RALGPS1: variants seen among roughly 807,000 people sequenced by gnomAD.
The protein encoded by RALGPS1 is ras-specific guanine nucleotide-releasing factor RalGPS1.
A neutral mutation model predicts 78.8 loss-of-function variants in RALGPS1; 19 were observed. The ratio of observed to expected loss-of-function variants is 0.24; its 90% CI spans 0.17 to 0.35. The LOEUF is 0.35. RALGPS1 is among the 10% of genes least tolerant of loss of function. The pLI is 1.00. For synonymous variants in RALGPS1, 228 were observed against 256.3 expected (o/e 0.89, Z 1.06); for missense variants, 454 against 688.3 (o/e 0.66, Z 3.81).
chr9:127,023,696 T>G (rs2045685724), intron 4 of RALGPS1, among the ~76,000 whole-genome samples: 1 of 152,106 alleles, frequency 6.6e-6, no homozygotes, highest in South Asian at 2.1e-4. Flanking sequence ...TGTGTTTCCC[T>G]AAGGCCCAGC....
intron 5 of RALGPS1, among the ~76,000 whole-genome samples, chr9:127,038,145 G>T (rs1423177327): frequency 6.6e-6 from 1 of 152,164 alleles, no homozygotes; most frequent in Admixed American, 6.5e-5. Context: ...ATGCTCATGA[G>T]CCTAGTGACT....
intron 8 of RALGPS1, among the ~76,000 whole-genome samples, chr9:127,085,687 G>C (rs2051642695): frequency 1.3e-5 from 2 of 152,166 alleles, no homozygotes; most frequent in Admixed American, 1.3e-4. Context: ...ATCCTAACTA[G>C]TTTAGAAAAA....
chr9:127,210,741 G>A (rs2062202073), intron 14 of RALGPS1: 1 of 1,550,700 alleles, frequency 6.4e-7, no homozygotes. Flanking sequence ...GCGGGTTCCA[G>A]TTAGGAATTC....
chr9:126,987,115 C>T (rs2041873450), intron 4 of RALGPS1, among the ~76,000 whole-genome samples: 1 of 152,080 alleles, frequency 6.6e-6, no homozygotes, highest in Non-Finnish European at 1.5e-5. Flanking sequence ...GGAGGTGATA[C>T]CTGTGTAGCA....
intron 8 of RALGPS1, chr9:127,088,886 G>T: frequency 6.2e-7 from 1 of 1,603,500 alleles, no homozygotes; most frequent in South Asian, 1.1e-5. Context: ...TGGCCAGCGT[G>T]ACCAGGGTGG....
chr9:127,065,852 A>G (rs1025353257), intron 7 of RALGPS1, among the ~76,000 whole-genome samples: 4 of 152,190 alleles, frequency 2.6e-5, no homozygotes, highest in African/African-American at 7.2e-5. Context: ...TCCTGCATTT[A>G]TCTAGAGGAA....
rs142018023 is a variant in RALGPS1 at position 127,117,874 on chromosome 9, A to C, written c.611-48195A>C. On this transcript the variant is annotated intron_variant, in intron 8 of 18. Coordinates refer to ENST00000259351, the MANE Select transcript of RALGPS1 (RefSeq NM_014636.3). ...TGGGCAGGTCCTCAGGCATCTCTTG[A>C]AGATAAGAACAGAGTCCATTCTGGG... is the stretch of plus-strand genomic sequence containing the variant. Among the ~76,000 whole-genome samples, 1,348 of 152,268 alleles carry C rather than the reference A, an allele frequency of 8.9e-3. 19 individuals are homozygous for C. Among genetic ancestry groups the C allele is most frequent in the African/African-American group, 0.025 (1,059 of 41,534 alleles).
intron 14 of RALGPS1, chr9:127,210,596 C>G: frequency 1.1e-6 from 1 of 895,594 alleles, no homozygotes; most frequent in Non-Finnish European, 1.8e-6. Context: ...TGCGGGACTT[C>G]CTGAGCTAAT....
rs542011915 is a variant in RALGPS1 at position 127,116,973 on chromosome 9, G to A, written c.610+47617G>A. ...AATCCTAATTGGCCTCCCTGCCTTT[G>A]GGTGCTCTCTCCCCTGCAGTCTACA... is the stretch of plus-strand genomic sequence containing the variant. On this transcript the variant is annotated intron_variant, in intron 8 of 18. Coordinates refer to ENST00000259351, the MANE Select transcript of RALGPS1 (RefSeq NM_014636.3). 2.6e-5 allele frequency among the ~76,000 whole-genome samples: 4 copies of A among 152,266 alleles called. No homozygotes were observed. The South Asian group carries it at 8.3e-4, about 32-fold the overall frequency.
intron 8 of RALGPS1, among the ~76,000 whole-genome samples, chr9:127,115,702 C>T (rs948863965): frequency 3.9e-5 from 6 of 152,202 alleles, no homozygotes; most frequent in Non-Finnish European, 8.8e-5. Context: ...TTGCATGTTA[C>T]TCACTGTTGA....
chr9:127,018,805 C>A (rs1221172679), intron 4 of RALGPS1, among the ~76,000 whole-genome samples: 1 of 151,886 alleles, frequency 6.6e-6, no homozygotes, highest in Non-Finnish European at 1.5e-5. Flanking sequence ...TTGTTTACAC[C>A]AGCATCACCA....
chr9:127,207,354 C>T (rs751075910), intron 14 of RALGPS1, among the ~76,000 whole-genome samples: 1 of 152,140 alleles, frequency 6.6e-6, no homozygotes, highest in Non-Finnish European at 1.5e-5. Context: ...TGTTGCAGTC[C>T]TCCTTCTGAC....
intron 8 of RALGPS1, chr9:127,108,012 G>A (rs150473817): frequency 4.0e-4 from 635 of 1,604,276 alleles, no homozygotes; most frequent in Non-Finnish European, 4.9e-4. Flanking sequence ...TCTGGATCTC[G>A]TTGGTAGAGA....
chr9:127,032,048 C>A (rs541813907), intron 4 of RALGPS1, among the ~76,000 whole-genome samples: 1 of 152,296 alleles, frequency 6.6e-6, no homozygotes, highest in South Asian at 2.1e-4. Context: ...CTGAATACTG[C>A]CTTGTTGCTT....
chr9:126,997,445 A>G (rs1207923656), intron 4 of RALGPS1, among the ~76,000 whole-genome samples: 1 of 152,188 alleles, frequency 6.6e-6, no homozygotes, highest in South Asian at 2.1e-4. Context: ...TAAAATACCT[A>G]AGAATCCAAC....
At chr9:127,184,082 T>A (rs754677484) in intron 11 of RALGPS1, 48 of 1,534,000 alleles carry the variant, frequency 3.1e-5, no homozygotes, top group Non-Finnish European at 4.0e-5. Context: ...TCCCAGCACT[T>A]TGGGAAGCCG....
intron 8 of RALGPS1, among the ~76,000 whole-genome samples, chr9:127,120,823 A>G (rs1020549464): frequency 2.0e-5 from 3 of 150,224 alleles, no homozygotes; most frequent in Non-Finnish European, 4.5e-5. Flanking sequence ...GCGAGACTCC[A>G]TCTCAAAAAA....
chr9:127,202,736 C>T (rs957334391), intron 14 of RALGPS1, among the ~76,000 whole-genome samples: 3 of 152,180 alleles, frequency 2.0e-5, no homozygotes, highest in Admixed American at 2.0e-4. Flanking sequence ...GGCCAGGGCC[C>T]TCAGGAACCA....
intron 5 of RALGPS1, among the ~76,000 whole-genome samples, chr9:127,048,905 T>A (rs1392960328): frequency 6.6e-6 from 1 of 152,204 alleles, no homozygotes; most frequent in Non-Finnish European, 1.5e-5. Flanking sequence ...GAGAAAACAT[T>A]TCTATAATAC....
Sources: gnomAD v4.1 joint callset for allele counts (sites outside exome capture counted in the v4.1 genomes callset) on GRCh38, gnomAD v4.1.1 for gene constraint, MANE v1.5 for transcripts, NCBI Gene and HGNC (gene_info 2026-07-23, HGNC 2026-07-21) for gene names.